The following EYS variants were observed in gnomAD, a reference collection of about 807,000 sequenced individuals.
EYS encodes protein eyes shut homolog.
EYS carries 250 observed loss-of-function variants against 282.1 expected under a neutral mutation model. The observed-to-expected ratio is 0.89, with a 90% confidence interval of 0.80 to 0.98. EYS has a LOEUF of 0.98. Ranked by LOEUF, EYS falls within the 50% of genes least tolerant of loss-of-function variation. The pLI is 0.00. For synonymous variants in EYS, 1,355 were observed against 1,282.9 expected (o/e 1.06, Z -1.20); for missense variants, 4,016 against 3,709.0 (o/e 1.08, Z -2.15).
At chr6:63,808,101 A>T (rs1436104262) in intron 36 of EYS, among the ~76,000 whole-genome samples, 1 of 152,200 alleles carries the variant, frequency 6.6e-6, no homozygotes, top group Non-Finnish European at 1.5e-5. Flanking sequence ...AACCTGTGCT[A>T]GATGCTGGTG....
chr6:65,663,607 T>A (rs762220967), intron 1 of EYS, among the ~76,000 whole-genome samples: 3 of 152,210 alleles, frequency 2.0e-5, no homozygotes, highest in African/African-American at 7.2e-5. Context: ...AATGCATCTG[T>A]CATGGTTTGG....
At chr6:64,728,283 T>C (rs562350835) in intron 22 of EYS, among the ~76,000 whole-genome samples, 1 of 152,358 alleles carries the variant, frequency 6.6e-6, no homozygotes. Flanking sequence ...AAATGTAAAC[T>C]AATAAATACT....
intron 5 of EYS, among the ~76,000 whole-genome samples, chr6:65,422,748 T>C (rs1392337458): frequency 6.6e-6 from 1 of 151,690 alleles, no homozygotes; most frequent in Non-Finnish European, 1.5e-5. Flanking sequence ...TGTGTTATCA[T>C]TTAATAACAT....
intron 31 of EYS, among the ~76,000 whole-genome samples, chr6:64,190,337 G>T (rs4509103): frequency 0.027 from 4,124 of 152,244 alleles, 59 homozygotes; most frequent in African/African-American, 0.042. Flanking sequence ...GCTTCAGAAA[G>T]GAAGTTCAGA....
At position 64,206,997 on chromosome 6, in the gene EYS, C is replaced by G. The variant is rs116902924; in HGVS notation, c.6424+23595G>C. 1.3e-3 allele frequency among the ~76,000 whole-genome samples: 198 copies of G among 152,170 alleles called. 2 individuals are homozygous for G. The East Asian group carries it at 0.034, about 26-fold the overall frequency. ...CCCACCTTCCACCCCGTAATAGGCC[C>G]CAGTGCGTGTTGTTCTCCTCTATGT... On this transcript the variant is annotated intron_variant, in intron 31 of 42. Transcript: ENST00000503581.
At chr6:65,626,865 G>A (rs1582537708) in intron 2 of EYS, among the ~76,000 whole-genome samples, 2 of 149,982 alleles carry the variant, frequency 1.3e-5, no homozygotes, top group Middle Eastern at 3.4e-3. Flanking sequence ...AGAACAGAGA[G>A]CCCCTGGCTC....
chr6:64,315,023 A>G (rs1009790917), intron 29 of EYS, among the ~76,000 whole-genome samples: 1 of 152,030 alleles, frequency 6.6e-6, no homozygotes, highest in Non-Finnish European at 1.5e-5. Flanking sequence ...TAGATACACC[A>G]CCAGCCAGAC....
At chr6:65,347,592 T>G (rs1770450473) in intron 9 of EYS, among the ~76,000 whole-genome samples, 1 of 151,506 alleles carries the variant, frequency 6.6e-6, no homozygotes, top group Non-Finnish European at 1.5e-5. Context: ...TTTGAGTTTT[T>G]GTGGGTAAAT....
At chr6:64,873,653 G>A (rs1283294382) in intron 19 of EYS, among the ~76,000 whole-genome samples, 1 of 151,930 alleles carries the variant, frequency 6.6e-6, no homozygotes. Flanking sequence ...ATAATGTATT[G>A]CATATATCAA....
chr6:64,642,941 C>A (rs760164875), intron 22 of EYS, among the ~76,000 whole-genome samples: 2 of 152,156 alleles, frequency 1.3e-5, no homozygotes, highest in South Asian at 4.1e-4. Context: ...CATGGAGAAA[C>A]CCCGTCTCTA....
In EYS at chr6:63,901,783, A is replaced by T. The variant is rs1439575601; in HGVS notation, c.7056-37425T>A. Among the ~76,000 whole-genome samples, 6 of 152,186 alleles carry T rather than the reference A, an allele frequency of 3.9e-5. No homozygotes were observed. In the South Asian group the frequency reaches 6.2e-4, roughly 16 times the overall value. On this transcript the variant is annotated intron_variant, in intron 35 of 42. Transcript: ENST00000503581. ...ACTATTTCAAATTTTGGATTTTTTG[A>T]ACTTTGGAATATTTTCATTAGACTT...
At chr6:63,944,403 C>A (rs1347461109) in intron 35 of EYS, among the ~76,000 whole-genome samples, 2 of 151,986 alleles carry the variant, frequency 1.3e-5, no homozygotes, top group Non-Finnish European at 2.9e-5. Context: ...CTTTAGTCTG[C>A]CAGTTAATTT....
intron 31 of EYS, among the ~76,000 whole-genome samples, chr6:64,134,013 T>C (rs1257524616): frequency 6.6e-6 from 1 of 151,972 alleles, no homozygotes; most frequent in African/African-American, 2.4e-5. Flanking sequence ...AATAGTTAGA[T>C]AAAAAGCTCC....
At chr6:65,528,985 C>G (rs1260439398) in intron 2 of EYS, among the ~76,000 whole-genome samples, 1 of 151,996 alleles carries the variant, frequency 6.6e-6, no homozygotes, top group Non-Finnish European at 1.5e-5. Flanking sequence ...TAAGAAATAT[C>G]AATTAATTGC....
chr6:64,094,679 C>A (rs538260728), intron 31 of EYS, among the ~76,000 whole-genome samples: 1 of 152,154 alleles, frequency 6.6e-6, no homozygotes, highest in South Asian at 2.1e-4. Context: ...AGTGGTCTAT[C>A]AATGTTGTTG....
intron 19 of EYS, among the ~76,000 whole-genome samples, chr6:64,827,591 C>G (rs1765096719): frequency 6.6e-6 from 1 of 151,670 alleles, no homozygotes; most frequent in African/African-American, 2.4e-5. Context: ...AGGACATAAT[C>G]AAGTTAATAC....
intron 11 of EYS, among the ~76,000 whole-genome samples, chr6:65,306,832 C>CAAAAAAAAAAAGAAAAAAA (rs1769020554): frequency 1.9e-5 from 1 of 51,738 alleles, no homozygotes; most frequent in Non-Finnish European, 3.3e-5. Flanking sequence ...GAGTCCGTCT[C>CAAAAAAAAAAAGAAAAAAA]AAAAAAAAAA....
At chr6:65,559,376 C>T (rs1040843638) in intron 2 of EYS, among the ~76,000 whole-genome samples, 3 of 151,704 alleles carry the variant, frequency 2.0e-5, no homozygotes, top group African/African-American at 7.3e-5. Context: ...TAAGCACTAT[C>T]TCAAAAAGAG....
At chr6:64,911,390 C>T (rs1466526709) in intron 16 of EYS, among the ~76,000 whole-genome samples, 1 of 152,050 alleles carries the variant, frequency 6.6e-6, no homozygotes, top group East Asian at 1.9e-4. Flanking sequence ...CTTCAGAAGG[C>T]CCAGAAGTTT....
Sources: gnomAD v4.1 joint callset for allele counts (sites outside exome capture counted in the v4.1 genomes callset) on GRCh38, gnomAD v4.1.1 for gene constraint, MANE v1.5 for transcripts, NCBI Gene and HGNC (gene_info 2026-07-23, HGNC 2026-07-21) for gene names.